DPP10: variants seen among roughly 807,000 people sequenced by gnomAD.
DPP10 encodes dipeptidyl peptidase like 10, also known as inactive dipeptidyl peptidase 10.
A neutral mutation model predicts 120.9 loss-of-function variants in DPP10; 33 were observed. The observed-to-expected ratio is 0.27, with a 90% CI of 0.21 to 0.37. The LOEUF (loss-of-function observed/expected upper bound fraction) is 0.37, where lower values mean the gene tolerates loss of function less well. DPP10 is among the 10% of genes least tolerant of loss of function. The pLI, the probability that DPP10 is intolerant of heterozygous loss-of-function variation, is 1.00. For synonymous variants in DPP10, 337 were observed against 326.1 expected (o/e 1.03, Z -0.36); for missense variants, 816 against 942.8 (o/e 0.87, Z 1.76).
intron 1 of DPP10, among the ~76,000 whole-genome samples, chr2:114,628,564 T>C (rs990892031): frequency 1.3e-5 from 2 of 152,176 alleles, no homozygotes; most frequent in Admixed American, 1.3e-4. Flanking sequence ...ATGGGTCTTT[T>C]GCCAACCTTA....
chr2:115,267,389 C>T (rs545176528), intron 1 of DPP10, among the ~76,000 whole-genome samples: 14 of 152,092 alleles, frequency 9.2e-5, no homozygotes, highest in Non-Finnish European at 1.3e-4. Context: ...TTTCTAATTT[C>T]ACAATAAAAA....
intron 1 of DPP10, among the ~76,000 whole-genome samples, chr2:114,994,761 G>A (rs1289655851): frequency 6.6e-6 from 1 of 152,176 alleles, no homozygotes; most frequent in Non-Finnish European, 1.5e-5. Flanking sequence ...CCTGAAAAAT[G>A]CAGCTTTATC....
At chr2:115,484,208 C>A (rs2075626300) in intron 3 of DPP10, among the ~76,000 whole-genome samples, 2 of 151,748 alleles carry the variant, frequency 1.3e-5, no homozygotes, top group African/African-American at 4.8e-5. Context: ...CCTGTACTTA[C>A]CTGCATTATG....
At position 115,343,554 on chromosome 2, in the gene DPP10, T is replaced by G. The variant is rs562851097; in HGVS notation, c.176-263T>G. ...TGTACAACAGGAATTCTTAACTGCTTTCATATTATATTACTAATACGTAAC... is the reference window on the plus strand; with the variant it reads ...TGTACAACAGGAATTCTTAACTGCTGTCATATTATATTACTAATACGTAAC... On this transcript the variant is annotated intron_variant, in intron 2 of 25. Transcript: ENST00000410059. 6.6e-5 allele frequency among the ~76,000 whole-genome samples: 10 copies of G among 152,246 alleles called. No homozygotes were observed. The South Asian group carries it at 2.1e-3, about 32-fold the overall frequency.
chr2:115,420,890 A>G (rs1259347299), intron 3 of DPP10, among the ~76,000 whole-genome samples: 1 of 152,226 alleles, frequency 6.6e-6, no homozygotes, highest in Non-Finnish European at 1.5e-5. Context: ...AAAATATCCA[A>G]TGACTAAGAA....
At chr2:115,457,997 C>G (rs1280262377) in intron 3 of DPP10, among the ~76,000 whole-genome samples, 3 of 151,944 alleles carry the variant, frequency 2.0e-5, no homozygotes, top group Non-Finnish European at 4.4e-5. Context: ...ACTCCTGTGG[C>G]TACTATAAGA....
intron 17 of DPP10, 89 bp from the exon 18 acceptor site, chr2:115,790,992 G>T: frequency 1.2e-6 from 1 of 865,368 alleles, no homozygotes; most frequent in Non-Finnish European, 1.8e-6. Flanking sequence ...CTGCCAAATG[G>T]TAACAAGTGG....
intron 1 of DPP10, among the ~76,000 whole-genome samples, chr2:114,485,344 A>G (rs998138905): frequency 2.6e-5 from 4 of 152,146 alleles, no homozygotes; most frequent in Admixed American, 1.3e-4. Flanking sequence ...AAATGAAGCA[A>G]CAGTAAAAAG....
intron 3 of DPP10, among the ~76,000 whole-genome samples, chr2:115,470,984 G>A (rs1350833128): frequency 2.0e-5 from 3 of 152,050 alleles, no homozygotes; most frequent in Non-Finnish European, 2.9e-5. Context: ...TTTTGCCTTG[G>A]AGTATGTCTC....
intron 7 of DPP10, among the ~76,000 whole-genome samples, chr2:115,710,948 A>C (rs1244041745): frequency 6.6e-6 from 1 of 152,142 alleles, no homozygotes; most frequent in Non-Finnish European, 1.5e-5. Flanking sequence ...GAGTTTTTAA[A>C]GAATAAGAAG....
intron 1 of DPP10, among the ~76,000 whole-genome samples, chr2:114,756,508 G>A (rs1208820049): frequency 3.9e-5 from 6 of 152,174 alleles, no homozygotes; most frequent in Non-Finnish European, 5.9e-5. Flanking sequence ...CATCCAATCC[G>A]AATGCTTCTA....
intron 1 of DPP10, among the ~76,000 whole-genome samples, chr2:114,723,602 ATAG>A (rs1342791848): frequency 6.6e-6 from 1 of 152,214 alleles, no homozygotes; most frequent in Non-Finnish European, 1.5e-5. Flanking sequence ...TTCATGTTTG[ATAG>A]TAGCCCTCAT....
chr2:115,193,663 C>G (rs530109580), intron 1 of DPP10, among the ~76,000 whole-genome samples: 125 of 152,282 alleles, frequency 8.2e-4, no homozygotes, highest in African/African-American at 2.5e-3. Flanking sequence ...TACTTAGAAT[C>G]GGTAAGATGG....
chr2:114,651,494 C>A (rs1360863243), intron 1 of DPP10, among the ~76,000 whole-genome samples: 1 of 152,130 alleles, frequency 6.6e-6, no homozygotes, highest in Non-Finnish European at 1.5e-5. Flanking sequence ...AGCCTAAATC[C>A]ATCTCAGATG....
intron 5 of DPP10, among the ~76,000 whole-genome samples, chr2:115,559,631 ATTAG>A (rs1360720399): frequency 6.6e-6 from 1 of 152,130 alleles, no homozygotes; most frequent in Non-Finnish European, 1.5e-5. Flanking sequence ...AATCAAAGTT[ATTAG>A]TTTGTGGTTT....
chr2:115,026,521 G>C, intron 1 of DPP10, among the ~76,000 whole-genome samples: 1 of 151,724 alleles, frequency 6.6e-6, no homozygotes, highest in East Asian at 1.9e-4. Flanking sequence ...CCATATAATT[G>C]TTTTTTCTAT....
chr2:114,584,143 G>A (rs375116454), intron 1 of DPP10, among the ~76,000 whole-genome samples: 1 of 152,260 alleles, frequency 6.6e-6, no homozygotes, highest in African/African-American at 2.4e-5. Flanking sequence ...AGTATTCTGA[G>A]CATGCATTTT....
chr2:115,463,648 T>C (rs1428327250), intron 3 of DPP10, among the ~76,000 whole-genome samples: 2 of 152,202 alleles, frequency 1.3e-5, no homozygotes, highest in African/African-American at 4.8e-5. Context: ...TATTGGGATA[T>C]CATACTTTAT....
chr2:115,535,968 C>G (rs1240164932), intron 5 of DPP10, among the ~76,000 whole-genome samples: 9 of 151,796 alleles, frequency 5.9e-5, no homozygotes, highest in African/African-American at 1.7e-4. Context: ...GATTTTGTAT[C>G]CTGAGACTTT....
Sources: allele counts gnomAD v4.1 joint callset (sites outside exome capture counted in the v4.1 genomes callset), GRCh38; gene constraint gnomAD v4.1.1; transcripts MANE v1.5; gene names NCBI Gene and HGNC (gene_info 2026-07-23, HGNC 2026-07-21).